The following CACNA1D variants were observed in gnomAD, a reference collection of about 807,000 sequenced individuals.
CACNA1D encodes the protein voltage-dependent L-type calcium channel subunit alpha-1D.
In CACNA1D, 55 loss-of-function variants were observed where a neutral mutation model predicts 257.1. The observed-to-expected ratio is 0.21, with a 90% CI of 0.17 to 0.27. CACNA1D has a LOEUF of 0.27. CACNA1D is among the 10% of genes least tolerant of loss of function. CACNA1D has a pLI of 1.00. For synonymous variants in CACNA1D, 980 were observed against 1,014.9 expected (o/e 0.97, Z 0.65); for missense variants, 1,876 against 2,784.0 (o/e 0.67, Z 7.34).
chr3:53,577,261 C>G (rs893588940), intron 3 of CACNA1D, among the ~76,000 whole-genome samples: 1 of 152,080 alleles, frequency 6.6e-6, no homozygotes, highest in Admixed American at 6.6e-5. Context: ...AAGTGATAGC[C>G]CAATTTCAGT....
chr3:53,612,367 C>T (rs1004267458), intron 3 of CACNA1D, among the ~76,000 whole-genome samples: 10 of 152,180 alleles, frequency 6.6e-5, no homozygotes, highest in Non-Finnish European at 1.2e-4. Flanking sequence ...ACTTGTTGCT[C>T]ATAGTGATCC....
intron 40 of CACNA1D, among the ~76,000 whole-genome samples, chr3:53,788,630 C>T (rs577653457): frequency 6.6e-6 from 1 of 152,298 alleles, no homozygotes; most frequent in South Asian, 2.1e-4. Context: ...CAGGCTTGTC[C>T]TTAAAGGAGT....
intron 27 of CACNA1D, among the ~76,000 whole-genome samples, chr3:53,750,825 G>A (rs551886460): frequency 6.6e-6 from 1 of 152,304 alleles, no homozygotes; most frequent in Admixed American, 6.5e-5. Flanking sequence ...AAGCAGGAGA[G>A]CGGGGGTAGG....
intron 3 of CACNA1D, among the ~76,000 whole-genome samples, chr3:53,579,080 C>T (rs2093087567): frequency 6.6e-6 from 1 of 152,190 alleles, no homozygotes; most frequent in African/African-American, 2.4e-5. Context: ...GACTGGGGGA[C>T]ATTCTTGGAG....
At chr3:53,802,210 T>C (rs1449310098) in intron 43 of CACNA1D, 37 bp downstream of exon 43, 6 of 1,516,418 alleles carry the variant, frequency 4.0e-6, no homozygotes, top group Non-Finnish European at 5.5e-6. Flanking sequence ...TTAAATACTG[T>C]GATGGTATGT....
chr3:53,624,211 C>T (rs969305266), intron 3 of CACNA1D, among the ~76,000 whole-genome samples: 11 of 152,102 alleles, frequency 7.2e-5, no homozygotes, highest in African/African-American at 2.2e-4. Flanking sequence ...CAGAGTGAAC[C>T]GAGGACAGAG....
rs1163343135 is a variant in CACNA1D, at chr3:53,718,323, T to C, written c.1413T>C (p.Thr471=). The part of the protein sequence containing the change: ...KRNTSMPTSE[T]ESVNTENVSG... ...CAGCTAGCATGCCCACCAGCGAGACTGAGTCTGTGAACACAGAGAACGTCA... is the reference window on the plus strand; with the variant it reads ...CAGCTAGCATGCCCACCAGCGAGACCGAGTCTGTGAACACAGAGAACGTCA... Residue 471 remains threonine (T), a synonymous_variant, in exon 10 of 48, where the codon ACT becomes ACC. Coordinates refer to ENST00000350061, the MANE Select transcript of CACNA1D (RefSeq NM_001128840.3). 6.2e-7 allele frequency: 1 copy of C among 1,614,102 alleles called. No homozygotes were observed. Among genetic ancestry groups the C allele is most frequent in the Non-Finnish European group, 8.5e-7 (1 of 1,179,962 alleles).
Position 53,734,466 on chromosome 3 carries a change from A to T in CACNA1D, c.2622-908A>T, listed in dbSNP as rs1357914025. ...TTTTATATATATGTTTTATGTGTAT[A>T]CATATATGTACATATACATACATAA... On this transcript the variant is annotated intron_variant, in intron 19 of 47. Coordinates refer to ENST00000350061, the MANE Select transcript of CACNA1D (RefSeq NM_001128840.3). 3.9e-5 allele frequency among the ~76,000 whole-genome samples: 6 copies of T among 152,276 alleles called. No homozygotes were observed. The East Asian group carries it at 1.2e-3, about 29-fold the overall frequency.
intron 3 of CACNA1D, among the ~76,000 whole-genome samples, chr3:53,504,813 T>C (rs1309516038): frequency 6.6e-6 from 1 of 152,216 alleles, no homozygotes; most frequent in Non-Finnish European, 1.5e-5. Flanking sequence ...CAGTTTCTTA[T>C]AAGCAAACCG....
At chr3:53,622,026 C>G (rs1367973226) in intron 3 of CACNA1D, among the ~76,000 whole-genome samples, 1 of 152,032 alleles carries the variant, frequency 6.6e-6, no homozygotes, top group Non-Finnish European at 1.5e-5. Flanking sequence ...GTACAATGGT[C>G]CAGACACTTT....
At chr3:53,769,799 C>T (rs768945267) in intron 30 of CACNA1D, among the ~76,000 whole-genome samples, 174 bp from the exon 31 acceptor site, 16 of 152,238 alleles carry the variant, frequency 1.1e-4, no homozygotes, top group Non-Finnish European at 2.1e-4. Context: ...ATGTCCATGG[C>T]TGCCTGCCCT....
chr3:53,708,210 T>G (rs752909773), intron 9 of CACNA1D, among the ~76,000 whole-genome samples: 27 of 152,274 alleles, frequency 1.8e-4, no homozygotes, highest in Non-Finnish European at 3.2e-4. Context: ...TGGTCCTGTT[T>G]TGAAAGACTG....
chr3:53,798,334 T>C (rs1462411272), intron 40 of CACNA1D, among the ~76,000 whole-genome samples: 1 of 150,666 alleles, frequency 6.6e-6, no homozygotes, highest in Non-Finnish European at 1.5e-5. Context: ...TGTGCGTGTG[T>C]GTGCGTGTGT....
chr3:53,717,389 C>T (rs548460670), intron 9 of CACNA1D, among the ~76,000 whole-genome samples: 23 of 145,114 alleles, frequency 1.6e-4, no homozygotes, highest in African/African-American at 5.3e-4. Context: ...TGCCCTCCTC[C>T]ACTGCCTGGG....
chr3:53,775,375 G>A (rs561283063), intron 34 of CACNA1D, among the ~76,000 whole-genome samples: 7 of 152,104 alleles, frequency 4.6e-5, no homozygotes, highest in Non-Finnish European at 1.0e-4. Context: ...CCAGGAGTTC[G>A]AGACCAGCCC....
At chr3:53,724,033 C>T (rs201260489) in intron 14 of CACNA1D, 34 bp downstream of exon 14, 18 of 1,546,284 alleles carry the variant, frequency 1.2e-5, no homozygotes, top group South Asian at 1.1e-4. Context: ...AAAAGCACTT[C>T]GTGAGCAGCA....
Position 53,643,395 on chromosome 3 carries a change from G to A in CACNA1D, c.484-7384G>A, listed in dbSNP as rs567531358. Among the ~76,000 whole-genome samples the A allele has an allele frequency of 9.9e-5, 15 of 152,222 alleles. No individual in the cohort carries two copies. In the South Asian group the frequency reaches 1.9e-3, roughly 19 times the overall value. On this transcript the variant is annotated intron_variant, in intron 3 of 47. Transcript: ENST00000350061. ...CGGCTTGTAGAAGCTGTGTGATAGC[G>A]CTGCGGCTCCCCTGGGTCACCTCCT...
At chr3:53,728,372 C>T (rs756067006) in intron 15 of CACNA1D, among the ~76,000 whole-genome samples, 104 of 152,286 alleles carry the variant, frequency 6.8e-4, no homozygotes, top group Non-Finnish European at 3.5e-4. Flanking sequence ...CTCCTGACCT[C>T]AGGTGATCCG....
chr3:53,508,090 A>C (rs1271464174), intron 3 of CACNA1D, among the ~76,000 whole-genome samples: 1 of 152,132 alleles, frequency 6.6e-6, no homozygotes, highest in Non-Finnish European at 1.5e-5. Context: ...CTATGTGTAC[A>C]TCTTCCTCAG....
Sources: allele counts gnomAD v4.1 joint callset (sites outside exome capture counted in the v4.1 genomes callset), GRCh38; gene constraint gnomAD v4.1.1; transcripts MANE v1.5; gene names NCBI Gene and HGNC (gene_info 2026-07-23, HGNC 2026-07-21).